The following DOCK8 variants were observed in gnomAD, a reference collection of about 807,000 sequenced individuals.
DOCK8 encodes the protein dedicator of cytokinesis protein 8.
DOCK8 carries 141 observed loss-of-function variants against 245.6 expected under a neutral mutation model. The observed-to-expected ratio is 0.57, with a 90% CI of 0.50 to 0.66. The LOEUF is 0.66. Among genes scored for constraint, DOCK8 ranks in the 30% least tolerant of loss-of-function variants. The pLI is 0.00. For missense variants in DOCK8, 2,965 were observed against 2,603.4 expected, an observed-to-expected ratio of 1.14 and a Z score of -3.02; for synonymous variants, 1,168 against 970.2, an observed-to-expected ratio of 1.20 and a Z score of -3.79.
Position 404,942 on chromosome 9 carries a change from C to G in DOCK8, c.3259C>G (p.Pro1087Ala), listed in dbSNP as rs746937263. ...GCTGTCAGCCAAGCTCAGTAACCTT[C>G]CAACGCTCATTTCCATGAGGCTAGA... is the stretch of plus-strand genomic sequence containing the variant. The part of the protein sequence containing the change: ...SQLSAKLSNL[P>A]TLISMRLEFL... The change falls in exon 27 of 48, where the codon CCA becomes GCA. Residue 1087 changes from proline (P) to alanine (A), a missense_variant. By Grantham distance (27) the Pro-to-Ala change is conservative. Around this residue, in one of 3 missense-constraint regions of DOCK8, gnomAD observed 2,825 missense variants for 2,453.5 expected, o/e 1.15. Transcript: ENST00000432829. The G allele has an allele frequency of 1.9e-6, 3 of 1,614,110 alleles. No homozygotes were observed. Among genetic ancestry groups the G allele is most frequent in the South Asian group, 2.2e-5 (2 of 91,082 alleles).
chr9:215,194 G>A, intron 1 of DOCK8, 165 bp downstream of exon 1: 1 of 1,516,148 alleles, frequency 6.6e-7, no homozygotes, highest in Non-Finnish European at 8.8e-7. Context: ...CGGTGGAGCC[G>A]CTGGACGCGC....
chr9:227,847 G>A (rs1472489582), intron 1 of DOCK8, among the ~76,000 whole-genome samples: 1 of 152,120 alleles, frequency 6.6e-6, no homozygotes, highest in Non-Finnish European at 1.5e-5. Flanking sequence ...CATACAAAAA[G>A]AAGAGATACG....
chr9:368,498 GTACACACTGTGTTATACACACACAGTGT>G, intron 15 of DOCK8: 4 of 584,876 alleles, frequency 6.8e-6, no homozygotes, highest in South Asian at 4.0e-5. Context: ...TGCACAAACT[GTACACACTGTGTTATACACACACAGTGT>G]TACACACTTA....
intron 18 of DOCK8, among the ~76,000 whole-genome samples, chr9:374,568 C>T (rs1353996373): frequency 2.1e-5 from 3 of 143,200 alleles, no homozygotes; most frequent in African/African-American, 5.2e-5. Context: ...CTCAAGCAGT[C>T]GTCTCACCTC....
chr9:303,772 A>C (rs1354490858), intron 4 of DOCK8, among the ~76,000 whole-genome samples: 2 of 152,222 alleles, frequency 1.3e-5, no homozygotes, highest in African/African-American at 2.4e-5. Context: ...ATGAATTTGC[A>C]CATGTATCCC....
intron 45 of DOCK8, among the ~76,000 whole-genome samples, chr9:451,352 G>C (rs1230897606): frequency 1.3e-5 from 2 of 151,860 alleles, no homozygotes; most frequent in African/African-American, 4.8e-5. Context: ...GGCTGTGTAT[G>C]GTGCGCACGC....
intron 1 of DOCK8, among the ~76,000 whole-genome samples, chr9:244,390 C>G (rs111381754): frequency 1.8e-4 from 28 of 151,976 alleles, no homozygotes; most frequent in South Asian, 2.1e-4. Flanking sequence ...ATTTAAAAAA[C>G]GCTGGTCACA....
chr9:446,176 C>T (rs2057250836), intron 43 of DOCK8, among the ~76,000 whole-genome samples, 194 bp from the exon 44 acceptor site: 1 of 152,254 alleles, frequency 6.6e-6, no homozygotes, highest in Non-Finnish European at 1.5e-5. Flanking sequence ...CCCTCTCCCT[C>T]CTTGCAGCCC....
intron 5 of DOCK8, among the ~76,000 whole-genome samples, chr9:305,899 G>A (rs1054426220): frequency 1.3e-5 from 2 of 152,128 alleles, no homozygotes; most frequent in Admixed American, 1.3e-4. Flanking sequence ...CATAATGAAT[G>A]GATAAACAAA....
At chr9:400,070 T>TC (rs1586907843) in intron 26 of DOCK8, among the ~76,000 whole-genome samples, 2 of 31,980 alleles carry the variant, frequency 6.3e-5, no homozygotes, top group African/African-American at 4.0e-4. Flanking sequence ...TCCTTCACCA[T>TC]CACCATCACC....
At chr9:358,939 T>G (rs185211849) in intron 14 of DOCK8, among the ~76,000 whole-genome samples, 105 of 152,278 alleles carry the variant, frequency 6.9e-4, no homozygotes, top group African/African-American at 2.4e-3. Context: ...AACGATAAGA[T>G]TCATATATCT....
At chr9:396,118 A>C (rs2054442611) in intron 24 of DOCK8, among the ~76,000 whole-genome samples, 1 of 151,984 alleles carries the variant, frequency 6.6e-6, no homozygotes, top group Non-Finnish European at 1.5e-5. Context: ...AGACTTATGG[A>C]ACTCAAAATT....
At chr9:445,450 A>G (rs532171723) in intron 43 of DOCK8, among the ~76,000 whole-genome samples, 1 of 152,296 alleles carries the variant, frequency 6.6e-6, no homozygotes, top group African/African-American at 2.4e-5. Flanking sequence ...ATGAGTACTT[A>G]TTCGCTCTGT....
intron 23 of DOCK8, 58 bp from the exon 24 acceptor site, chr9:390,413 T>C: frequency 6.8e-7 from 1 of 1,473,268 alleles, no homozygotes; most frequent in Non-Finnish European, 9.5e-7. Context: ...AGAAAAAAAG[T>C]GTTGGTGAAT....
In DOCK8 at chr9:371,522, C is replaced by T. The variant is rs1287635563; in HGVS notation, c.1963C>T (p.Gln655Ter). Residue 655 changes from glutamine (Q) to a stop codon, truncating the protein, a stop_gained, in exon 17 of 48, where the codon CAG (glutamine) becomes TAG (stop). Coordinates refer to ENST00000432829, the MANE Select transcript of DOCK8 (RefSeq NM_203447.4). LOFTEE classifies it high-confidence loss of function. ...LLFTFYHISC[Q>*]QKQGASVETL... The stretch of plus-strand genomic sequence containing the variant: ...GTTCACCTTCTACCATATCAGCTGT[C>T]AGCAGAAGCAAGGAGCCTCCGTGGA... The T allele has an allele frequency of 9.9e-6, 16 of 1,614,222 alleles. No homozygotes were observed. The highest frequency in any genetic ancestry group is 1.4e-5 in the Non-Finnish European group (16 of 1,180,030).
chr9:458,863 ACT>A (rs1246072506), intron 46 of DOCK8, among the ~76,000 whole-genome samples: 1 of 151,944 alleles, frequency 6.6e-6, no homozygotes, highest in East Asian at 1.9e-4. Flanking sequence ...CAGCATGACT[ACT>A]CTCTCTGTAG....
At chr9:302,963 A>T (rs534609281) in intron 4 of DOCK8, among the ~76,000 whole-genome samples, 2 of 152,108 alleles carry the variant, frequency 1.3e-5, no homozygotes, top group African/African-American at 4.8e-5. Flanking sequence ...CTGTGTCTCT[A>T]CAAAACATCA....
chr9:242,779 A>G (rs1381694646), intron 1 of DOCK8, among the ~76,000 whole-genome samples: 1 of 150,108 alleles, frequency 6.7e-6, no homozygotes, highest in Non-Finnish European at 1.5e-5. Flanking sequence ...ACATGGTTTC[A>G]TCCTGGCCTT....
intron 39 of DOCK8, among the ~76,000 whole-genome samples, chr9:435,619 A>C (rs1439768451): frequency 1.3e-5 from 2 of 152,194 alleles, no homozygotes; most frequent in Non-Finnish European, 2.9e-5. Context: ...CAATCCAAAA[A>C]TCAAGAAAGA....
Sources: allele counts gnomAD v4.1 joint callset (sites outside exome capture counted in the v4.1 genomes callset), GRCh38; gene constraint gnomAD v4.1.1; regional missense constraint gnomAD v4.1.1; transcripts MANE v1.5; gene names NCBI Gene and HGNC (gene_info 2026-07-23, HGNC 2026-07-21).